MICALL1: variants seen among roughly 807,000 people sequenced by gnomAD.
MICALL1 encodes the protein MICAL like 1.
In MICALL1, 61 loss-of-function variants were observed where a neutral mutation model predicts 83.7. The ratio of observed to expected loss-of-function variants is 0.73; its 90% CI spans 0.59 to 0.90. The LOEUF (loss-of-function observed/expected upper bound fraction) is 0.90. Ranked by LOEUF, MICALL1 falls within the 40% of genes least tolerant of loss-of-function variation. The pLI, the probability that MICALL1 is intolerant of heterozygous loss-of-function variation, is 0.00. For missense variants in MICALL1, 1,066 were observed against 1,152.0 expected (o/e 0.93, Z 1.08); for synonymous variants, 481 against 473.6 (o/e 1.02, Z -0.20).
rs1356068263 is a variant in MICALL1 at position 37,940,768 on chromosome 22, A to G, written c.2530A>G (p.Met844Val). 6.2e-7 allele frequency: 1 copy of G among 1,614,050 alleles called. No homozygotes were observed. Among genetic ancestry groups the G allele is most frequent in the East Asian group, 2.2e-5 (1 of 44,892 alleles). Reference protein sequence around the residue: ...KKKGKFKTMKMLKLLGNKRDA... With the variant: ...KKKGKFKTMKVLKLLGNKRDA... ...GAAGGGGAAGTTCAAGACCATGAAGATGTTGAAACTGCTAGGAAACAAACG... is the reference window on the plus strand; with the variant it reads ...GAAGGGGAAGTTCAAGACCATGAAGGTGTTGAAACTGCTAGGAAACAAACG... Residue 844 changes from methionine to valine, a missense_variant, in exon 16 of 16, where the codon ATG becomes GTG. Transcript: ENST00000215957.
intron 5 of MICALL1, among the ~76,000 whole-genome samples, chr22:37,920,613 C>T (rs1394402557): frequency 1.4e-5 from 2 of 144,538 alleles, no homozygotes; most frequent in Non-Finnish European, 3.0e-5. Context: ...TTCATCTCTA[C>T]AAAAAAATTA....
rs372088886 is a variant in MICALL1 at position 37,935,783 on chromosome 22, G to C, written c.2309-1297G>C. 5.7e-4 allele frequency among the ~76,000 whole-genome samples: 85 copies of C among 148,846 alleles called. 1 individual carries two copies. In the East Asian group the frequency reaches 0.014, roughly 25 times the overall value. ...CTCACTCTGTTGCCCAGGCTGGAGT[G>C]CAGTGGCGTGATCTGAGCTCACTGC... On this transcript the variant is annotated intron_variant, in intron 13 of 15. Coordinates refer to ENST00000215957, the MANE Select transcript of MICALL1 (RefSeq NM_033386.4).
rs556459531 is a variant in MICALL1 at position 37,919,590 on chromosome 22, C to T, written c.569+412C>T. ...GGCAGAGGTTACAGGAAGCCGAGAT[C>T]GTGCTACTGCATTCCAGCCTGGGTG... On this transcript the variant is annotated intron_variant, in intron 5 of 15. Transcript: ENST00000215957. Among the ~76,000 whole-genome samples, 4 of 132,228 alleles carry T rather than the reference C, an allele frequency of 3.0e-5. No homozygotes were observed. The South Asian group carries it at 7.4e-4, about 25-fold the overall frequency. 86.7% of individuals were successfully genotyped at this position (132,228 alleles called of 152,430 possible). A position where few individuals can be genotyped will look rare whatever the true frequency, so the allele number is the denominator to read the frequency against.
chr22:37,930,990 C>G lies in MICALL1; in HGVS notation c.1882-809C>G, dbSNP rs1165237352. ...CCATTCTGTGCTTCTAGGGAAACCC[C>G]TGCCCTCTTTGAGGCTAGCACAGCC... is the stretch of plus-strand genomic sequence containing the variant. On this transcript the variant is annotated intron_variant, in intron 9 of 15. Coordinates refer to ENST00000215957, the MANE Select transcript of MICALL1 (RefSeq NM_033386.4). This position sits in a 1 kb window ranked among gnomAD's most constrained non-coding sequence, Gnocchi z 4.8. 6.6e-6 allele frequency among the ~76,000 whole-genome samples: 1 copy of G among 152,200 alleles called. No homozygotes were observed. The highest frequency in any genetic ancestry group is 2.4e-5 in the African/African-American group (1 of 41,448).
At chr22:37,912,517 C>G in intron 3 of MICALL1, 25 bp downstream of exon 3, 1 of 1,570,252 alleles carries the variant, frequency 6.4e-7, no homozygotes, top group Non-Finnish European at 8.7e-7. Context: ...CAGCGTTTCA[C>G]GGAGGCTGGC....
In MICALL1 at chr22:37,906,752, C is replaced by A. The variant is rs939182021; in HGVS notation, c.146+184C>A. 9.3e-6 allele frequency: 3 copies of A among 323,712 alleles called. No individual in the cohort carries two copies. The highest frequency in any genetic ancestry group is 6.7e-5 in the African/African-American group (3 of 45,102). 20.1% of individuals were successfully genotyped at this position (323,712 alleles called of 1,614,324 possible). A position where few individuals can be genotyped will look rare whatever the true frequency, so the allele number is the denominator to read the frequency against. ...GAGACCCCGGCCCAGGGCGCCCCTC[C>A]CCCGCCCGGCCGCCCTGACCCCGCC... On this transcript the variant is annotated intron_variant, in intron 1 of 15. Coordinates refer to ENST00000215957, the MANE Select transcript of MICALL1 (RefSeq NM_033386.4). This position sits in a 1 kb window ranked among gnomAD's most constrained non-coding sequence, Gnocchi z 4.4.
chr22:37,921,116 C>T (rs1486025109), intron 5 of MICALL1, among the ~76,000 whole-genome samples: 1 of 152,044 alleles, frequency 6.6e-6, no homozygotes, highest in Admixed American at 6.6e-5. Context: ...TATAGCAACT[C>T]CTAGTAAAAA....
intron 13 of MICALL1, among the ~76,000 whole-genome samples, chr22:37,933,859 G>A (rs1039258861): frequency 7.2e-5 from 11 of 152,228 alleles, no homozygotes; most frequent in Non-Finnish European, 1.5e-4. Flanking sequence ...TGTTGGTGAC[G>A]GGGCTGGGCT....
Position 37,911,818 on chromosome 22 carries a change from C to G in MICALL1, c.147-134C>G, listed in dbSNP as rs1333609025. 40 of 834,756 alleles carry G rather than the reference C, an allele frequency of 4.8e-5. 1 individual carries two copies. The East Asian group carries it at 9.3e-4, about 19-fold the overall frequency. The allele number at this position is 834,756 out of a possible 1,614,324, so 51.7% of individuals were successfully genotyped here. On this transcript the variant is annotated intron_variant, in intron 1 of 15. Transcript: ENST00000215957. ...CCCCTTAGTAATCCACAGACTCCCC[C>G]CCAGCAACCCTGCTGAGGTTGATGC... is the stretch of plus-strand genomic sequence containing the variant.
chr22:37,937,708 G>A (rs775426092), intron 14 of MICALL1, 38 bp from the exon 15 acceptor site: 7 of 1,608,338 alleles, frequency 4.4e-6, no homozygotes, highest in Non-Finnish European at 6.0e-6. Flanking sequence ...ACAGGTGTGA[G>A]CCACCACGCC....
intron 6 of MICALL1, among the ~76,000 whole-genome samples, chr22:37,922,676 C>G (rs1929150017): frequency 7.4e-6 from 1 of 135,978 alleles, no homozygotes; most frequent in Non-Finnish European, 1.5e-5. Flanking sequence ...GTGGCTTGAC[C>G]TCGGCTCACT....
Position 37,906,373 on chromosome 22 carries a change from C to T in MICALL1, c.-50C>T, listed in dbSNP as rs1467453195. 8 of 1,043,582 alleles carry T rather than the reference C, an allele frequency of 7.7e-6. No homozygotes were observed. Among genetic ancestry groups the T allele is most frequent in the Non-Finnish European group, 6.9e-6 (6 of 868,684 alleles). 64.6% of individuals were successfully genotyped at this position (1,043,582 alleles called of 1,614,324 possible). ...GCCCGCGCGGCGGCCGCCGTCCCGG[C>T]CAAGCCGGGGCCCCGAAGCCAGAGC... On this transcript the variant is annotated 5_prime_UTR_variant, in exon 1 of 16. Transcript: ENST00000215957. This position sits in a 1 kb window ranked among gnomAD's most constrained non-coding sequence, Gnocchi z 4.4.
intron 3 of MICALL1, 21 bp from the exon 4 acceptor site, chr22:37,917,686 C>G (rs1231776631): frequency 3.1e-6 from 5 of 1,612,024 alleles, no homozygotes; most frequent in Admixed American, 1.7e-5. Flanking sequence ...GCTTCAGGAC[C>G]CCTTTCTCAT....
intron 8 of MICALL1, chr22:37,926,637 C>T (rs1268111042): frequency 6.5e-6 from 1 of 153,474 alleles, no homozygotes; most frequent in African/African-American, 2.4e-5. Flanking sequence ...TTCTCCCAGT[C>T]TTCTGATACC....
At position 37,932,680 on chromosome 22, in the gene MICALL1, G is replaced by T; in HGVS notation, c.2143+1G>T. The T allele has an allele frequency of 6.2e-7, 1 of 1,613,612 alleles. No homozygotes were observed. Among genetic ancestry groups the T allele is most frequent in the Non-Finnish European group, 8.5e-7 (1 of 1,179,830 alleles). The stretch of plus-strand genomic sequence containing the variant: ...GAGAAGCTGCGTGGCGGCCTGAATG[G>T]TGCGGGAGCGGCTGGGAGGGCCTGC... On this transcript the variant is annotated splice_donor_variant, in intron 11 of 15. Transcript: ENST00000215957. LOFTEE classifies it high-confidence loss of function. The surrounding 1 kb of genome is among the most constrained non-coding windows in gnomAD (Gnocchi z 4.4).
intron 5 of MICALL1, among the ~76,000 whole-genome samples, chr22:37,919,403 G>C (rs188611656): frequency 6.6e-6 from 1 of 152,354 alleles, no homozygotes; most frequent in African/African-American, 2.4e-5. Context: ...TTTCCTTCCA[G>C]CGCCTACGCT....
At chr22:37,913,876 C>CTTTT (rs60697387) in intron 3 of MICALL1, among the ~76,000 whole-genome samples, 7 of 138,714 alleles carry the variant, frequency 5.0e-5, no homozygotes, top group Admixed American at 7.4e-5. Context: ...TGGCCCAACT[C>CTTTT]TTTTTTTTTT....
At chr22:37,922,750 C>T (rs1446244959) in intron 6 of MICALL1, among the ~76,000 whole-genome samples, 4 of 143,344 alleles carry the variant, frequency 2.8e-5, no homozygotes, top group South Asian at 2.2e-4. Context: ...GCTGGGATTA[C>T]AGGCATGCGC....
chr22:37,925,908 C>T lies in MICALL1; in HGVS notation c.1330C>T (p.Leu444=), dbSNP rs1929402392. 6.2e-7 allele frequency: 1 copy of T among 1,612,968 alleles called. No homozygotes were observed. Among genetic ancestry groups the T allele is most frequent in the African/African-American group, 1.3e-5 (1 of 75,006 alleles). Residue 444 remains leucine (L), a synonymous_variant, in exon 8 of 16, where the codon CTG becomes TTG. Coordinates refer to ENST00000215957, the MANE Select transcript of MICALL1 (RefSeq NM_033386.4). The stretch of plus-strand genomic sequence containing the variant: ...GGAAGAGGCTCCAGCTGCACCCAGC[C>T]TGGCCACCAGCCCTGCCCTGGGCCA... The part of the protein sequence containing the change: ...KEEEAPAAPS[L]ATSPALGHPE...
Sources: gnomAD v4.1 joint callset for allele counts (sites outside exome capture counted in the v4.1 genomes callset) on GRCh38, gnomAD v4.1.1 for gene constraint, Gnocchi (gnomAD v3.1) non-coding constraint, MANE v1.5 for transcripts, NCBI Gene and HGNC (gene_info 2026-07-23, HGNC 2026-07-21) for gene names.